RGS7: variants seen among roughly 807,000 people sequenced by gnomAD.
RGS7 encodes regulator of G protein signaling 7, also known as regulator of G-protein signaling 7.
A neutral mutation model predicts 81.1 loss-of-function variants in RGS7; 27 were observed. That is an observed-to-expected ratio of 0.33 (90% CI 0.25 to 0.46). The LOEUF is 0.46. Among genes scored for constraint, RGS7 ranks in the 20% least tolerant of loss-of-function variants. RGS7 has a pLI of 1.00. For synonymous variants in RGS7, 208 were observed against 207.7 expected (o/e 1.00, Z -0.01); for missense variants, 396 against 607.4 (o/e 0.65, Z 3.66).
chr1:241,020,436 T>C (rs1572301695), intron 3 of RGS7, among the ~76,000 whole-genome samples: 1 of 152,178 alleles, frequency 6.6e-6, no homozygotes, highest in African/African-American at 2.4e-5. Flanking sequence ...TATGGCTACA[T>C]AACTCCCATC....
chr1:241,092,167 G>T (rs2063930076), intron 3 of RGS7, among the ~76,000 whole-genome samples: 1 of 152,130 alleles, frequency 6.6e-6, no homozygotes. Flanking sequence ...TCAATATCTT[G>T]TTAAGCAAGT....
At chr1:241,047,222 G>T (rs1028967564) in intron 3 of RGS7, among the ~76,000 whole-genome samples, 1 of 152,204 alleles carries the variant, frequency 6.6e-6, no homozygotes, top group Non-Finnish European at 1.5e-5. Context: ...GCACAGCCCA[G>T]TGACTAAAAT....
intron 2 of RGS7, among the ~76,000 whole-genome samples, chr1:241,238,649 C>T (rs528326865): frequency 6.6e-6 from 1 of 152,210 alleles, no homozygotes; most frequent in African/African-American, 2.4e-5. Context: ...ATCCTCCTGC[C>T]TCGGCCTCCT....
chr1:241,134,727 G>A (rs1452825271), intron 2 of RGS7, among the ~76,000 whole-genome samples: 1 of 152,130 alleles, frequency 6.6e-6, no homozygotes, highest in Non-Finnish European at 1.5e-5. Flanking sequence ...GCTGAGAAGA[G>A]GGAAAGATTT....
intron 3 of RGS7, among the ~76,000 whole-genome samples, chr1:241,013,348 C>A (rs1302753356): frequency 6.6e-6 from 1 of 152,206 alleles, no homozygotes; most frequent in Non-Finnish European, 1.5e-5. Context: ...CAGGCATGAG[C>A]CACCGCACCT....
intron 2 of RGS7, among the ~76,000 whole-genome samples, chr1:241,269,397 G>A (rs962074334): frequency 3.9e-5 from 6 of 152,230 alleles, no homozygotes; most frequent in South Asian, 2.1e-4. Context: ...TCAAGCCCAC[G>A]TTCCGTCCAT....
intron 2 of RGS7, among the ~76,000 whole-genome samples, chr1:241,236,880 T>C (rs2076011038): frequency 6.6e-6 from 1 of 152,094 alleles, no homozygotes; most frequent in Non-Finnish European, 1.5e-5. Flanking sequence ...ATTCTAGGAG[T>C]AAAACCTATG....
At chr1:241,107,463 T>C (rs2065196395) in intron 2 of RGS7, among the ~76,000 whole-genome samples, 1 of 152,176 alleles carries the variant, frequency 6.6e-6, no homozygotes, top group African/African-American at 2.4e-5. Context: ...TAAGAGTCTA[T>C]TACTCCTCCT....
chr1:241,330,998 T>C (rs757528519), intron 2 of RGS7, among the ~76,000 whole-genome samples: 2 of 152,206 alleles, frequency 1.3e-5, no homozygotes, highest in Non-Finnish European at 2.9e-5. Flanking sequence ...ACATCTCTAT[T>C]TAGCTTGACT....
At chr1:240,956,374 A>C (rs946594722) in intron 4 of RGS7, among the ~76,000 whole-genome samples, 2 of 45,990 alleles carry the variant, frequency 4.3e-5, no homozygotes, top group African/African-American at 1.2e-4. Context: ...TACCAAAAAC[A>C]AAAAACAAAA....
intron 2 of RGS7, among the ~76,000 whole-genome samples, chr1:241,212,361 G>A (rs762893376): frequency 2.6e-5 from 4 of 152,122 alleles, no homozygotes; most frequent in Non-Finnish European, 5.9e-5. Context: ...TCACCTGAGA[G>A]GTGACACACG....
chr1:240,778,680 C>G (rs1683404748), intron 18 of RGS7, among the ~76,000 whole-genome samples: 1 of 152,110 alleles, frequency 6.6e-6, no homozygotes, highest in African/African-American at 2.4e-5. Flanking sequence ...CTACAGGCAC[C>G]TGCCACCACG....
In RGS7 at chr1:240,868,051, G is replaced by GAAAGAAAGAAAAGAAGAGA. The variant is rs1435242227; in HGVS notation, c.609+517_609+535dup. On this transcript the variant is annotated intron_variant, in intron 9 of 18. Coordinates refer to ENST00000440928, the MANE Select transcript of RGS7 (RefSeq NM_001364886.1). This position sits in a 1 kb window ranked among gnomAD's most constrained non-coding sequence, Gnocchi z 5.1. ...AAGAAAAGAAGAGAAAAGAAAGAAA[G>GAAAGAAAGAAAAGAAGAGA]AAAGAAAGAAAAGAAGAGAAAAGAA... Among the ~76,000 whole-genome samples the GAAAGAAAGAAAAGAAGAGA allele has an allele frequency of 7.8e-6, 1 of 127,560 alleles. No homozygotes were observed. Among genetic ancestry groups the GAAAGAAAGAAAAGAAGAGA allele is most frequent in the East Asian group, 2.3e-4 (1 of 4,422 alleles). The allele number at this position is 127,560 out of a possible 152,430, so 83.7% of individuals were successfully genotyped here. A position where few individuals can be genotyped will look rare whatever the true frequency, so the allele number is the denominator to read the frequency against.
At chr1:241,173,139 G>GA (rs2070852811) in intron 2 of RGS7, among the ~76,000 whole-genome samples, 1 of 152,068 alleles carries the variant, frequency 6.6e-6, no homozygotes, top group Non-Finnish European at 1.5e-5. Context: ...AGGCCCATAG[G>GA]TTTTTATATC....
intron 2 of RGS7, among the ~76,000 whole-genome samples, chr1:241,141,978 G>A (rs1471231310): frequency 6.6e-6 from 1 of 152,208 alleles, no homozygotes; most frequent in Non-Finnish European, 1.5e-5. Context: ...GTTCCAAGTG[G>A]GAGAAATTGG....
chr1:241,169,968 C>T (rs1443549335), intron 2 of RGS7, among the ~76,000 whole-genome samples: 1 of 151,974 alleles, frequency 6.6e-6, no homozygotes, highest in Non-Finnish European at 1.5e-5. Flanking sequence ...ATACTCAGAT[C>T]TCGGTGGGTA....
intron 2 of RGS7, among the ~76,000 whole-genome samples, chr1:241,292,502 G>A (rs987392107): frequency 3.3e-5 from 5 of 152,192 alleles, no homozygotes; most frequent in Admixed American, 6.6e-5. Context: ...TGGTAGCAGT[G>A]GAGATTGGGA....
chr1:241,294,218 C>T (rs1328427218), intron 2 of RGS7, among the ~76,000 whole-genome samples: 3 of 151,870 alleles, frequency 2.0e-5, no homozygotes, highest in South Asian at 2.1e-4. Context: ...CATGTTCTCA[C>T]TCATAAGTAG....
intron 6 of RGS7, among the ~76,000 whole-genome samples, chr1:240,896,354 C>T (rs1027595775): frequency 6.6e-5 from 10 of 152,036 alleles, no homozygotes; most frequent in South Asian, 2.1e-4. Context: ...ATGAAGTCCT[C>T]GCCCACGCCT....
Sources: allele counts gnomAD v4.1 joint callset (sites outside exome capture counted in the v4.1 genomes callset), GRCh38; gene constraint gnomAD v4.1.1; non-coding constraint Gnocchi (gnomAD v3.1); transcripts MANE v1.5; gene names NCBI Gene and HGNC (gene_info 2026-07-23, HGNC 2026-07-21).